Variants in SFI1 observed in about 807,000 individuals in gnomAD.
The protein encoded by SFI1 is SFI1 centrin binding protein, also known as protein SFI1 homolog.
SFI1 carries 195 observed loss-of-function variants against 207.5 expected under a neutral mutation model. The ratio of observed to expected loss-of-function variants is 0.94; its 90% CI spans 0.84 to 1.06. The LOEUF is 1.06. Among genes scored for constraint, SFI1 ranks in the 50% least tolerant of loss-of-function variants. The pLI is 0.00. For missense variants in SFI1, 1,634 were observed against 1,588.0 expected, an observed-to-expected ratio of 1.03 and a Z score of -0.49; for synonymous variants, 630 against 598.9, an observed-to-expected ratio of 1.05 and a Z score of -0.76.
chr22:31,522,822 ATTTTTGTAT>A (rs963283151), intron 2 of SFI1, among the ~76,000 whole-genome samples: 1 of 151,874 alleles, frequency 6.6e-6, no homozygotes, highest in African/African-American at 2.4e-5. Context: ...TGCCCAGCTA[ATTTTTGTAT>A]TTTTAGTAGA....
chr22:31,595,890 ACTTTAT>A (rs1448464376), intron 15 of SFI1, among the ~76,000 whole-genome samples: 1 of 152,216 alleles, frequency 6.6e-6, no homozygotes, highest in Non-Finnish European at 1.5e-5. Context: ...AGTTCAGTGT[ACTTTAT>A]CTTAGGACAG....
intron 19 of SFI1, 196 bp from the exon 20 acceptor site, chr22:31,604,673 T>C: frequency 1.7e-6 from 1 of 592,636 alleles, no homozygotes; most frequent in Non-Finnish European, 3.0e-6. Flanking sequence ...ACTTAGGAGG[T>C]GAGGGCCTGT....
intron 22 of SFI1, among the ~76,000 whole-genome samples, chr22:31,610,064 A>G (rs1398622174): frequency 6.6e-6 from 1 of 152,202 alleles, no homozygotes; most frequent in African/African-American, 2.4e-5. Context: ...CTGGGCTGCA[A>G]GACAGTGTAC....
intron 10 of SFI1, 105 bp from the exon 11 acceptor site, chr22:31,578,277 C>G: frequency 9.3e-7 from 1 of 1,079,946 alleles, no homozygotes; most frequent in Middle Eastern, 2.7e-4. Context: ...CCACCTGGCA[C>G]GTGTGTTATC....
intron 14 of SFI1, among the ~76,000 whole-genome samples, chr22:31,588,304 T>C (rs1768200722): frequency 6.6e-6 from 1 of 152,144 alleles, no homozygotes; most frequent in Non-Finnish European, 1.5e-5. Flanking sequence ...ATGGTGGCCT[T>C]GGGGTAGTCA....
intron 29 of SFI1, 48 bp downstream of exon 29, chr22:31,615,327 C>T (rs768886083): frequency 1.4e-6 from 2 of 1,407,554 alleles, no homozygotes; most frequent in Non-Finnish European, 1.9e-6. Context: ...TCACTCTGGT[C>T]TGACTTCTGG....
chr22:31,615,312 G>A (rs546724119), intron 29 of SFI1, 33 bp downstream of exon 29: 1 of 1,440,908 alleles, frequency 6.9e-7, no homozygotes, highest in South Asian at 1.5e-5. Flanking sequence ...TGGGCACTGG[G>A]GCTCTCACTC....
At chr22:31,510,299 A>G (rs1485591655) in intron 2 of SFI1, among the ~76,000 whole-genome samples, 10 of 152,084 alleles carry the variant, frequency 6.6e-5, no homozygotes, top group East Asian at 3.9e-4. Flanking sequence ...GGCTCAGGCA[A>G]TCTTGCTGCC....
chr22:31,581,634 A>G (rs915949283), intron 12 of SFI1, among the ~76,000 whole-genome samples: 1 of 151,880 alleles, frequency 6.6e-6, no homozygotes, highest in East Asian at 1.9e-4. Context: ...AAGTCTATTC[A>G]CTTCCATTGT....
At chr22:31,498,087 G>A (rs1471129579) in intron 1 of SFI1, among the ~76,000 whole-genome samples, 1 of 152,204 alleles carries the variant, frequency 6.6e-6, no homozygotes, top group Non-Finnish European at 1.5e-5. Flanking sequence ...GAGGTCAGGA[G>A]TTTGAGACCA....
Position 31,604,540 on chromosome 22 carries a change from C to A in SFI1, c.1977+136C>A. On this transcript the variant is annotated intron_variant, in intron 19 of 32. Transcript: ENST00000400288. ...CACACCTCAAACCAAGCAGGTGCCC[C>A]GGACAGCGGGCCTTAGGCCATAGGG... 4 of 757,702 alleles carry A rather than the reference C, an allele frequency of 5.3e-6. No homozygotes were observed. In the South Asian group the frequency reaches 7.7e-5, roughly 15 times the overall value. 46.9% of individuals were successfully genotyped at this position (757,702 alleles called of 1,614,324 possible). A position where few individuals can be genotyped will look rare whatever the true frequency, so the allele number is the denominator to read the frequency against.
chr22:31,519,273 A>ATTT (rs201811890), intron 2 of SFI1, among the ~76,000 whole-genome samples: 1 of 132,216 alleles, frequency 7.6e-6, no homozygotes, highest in African/African-American at 3.1e-5. Flanking sequence ...TTTATTTTCC[A>ATTT]TTTTTTTTTT....
chr22:31,580,542 CTT>C (rs11347645), intron 12 of SFI1, among the ~76,000 whole-genome samples, 178 bp downstream of exon 12: 34 of 117,276 alleles, frequency 2.9e-4, no homozygotes, highest in East Asian at 1.1e-3. Flanking sequence ...CTTTTCTTTT[CTT>C]TTTTTTTTTT....
intron 12 of SFI1, 41 bp from the exon 13 acceptor site, chr22:31,583,834 T>C (rs1350431495): frequency 6.4e-7 from 1 of 1,556,752 alleles, no homozygotes; most frequent in Non-Finnish European, 8.9e-7. Flanking sequence ...GTTTTACCTT[T>C]CATCTCAGTA....
intron 22 of SFI1, among the ~76,000 whole-genome samples, chr22:31,609,167 T>A (rs560254135): frequency 5.3e-5 from 8 of 152,154 alleles, no homozygotes; most frequent in African/African-American, 1.7e-4. Flanking sequence ...CCAGGCTAAT[T>A]TTTTGTATTC....
intron 15 of SFI1, among the ~76,000 whole-genome samples, chr22:31,596,738 C>T (rs569059219): frequency 4.1e-5 from 6 of 147,200 alleles, no homozygotes; most frequent in East Asian, 2.0e-4. Context: ...GAGCCGAGAT[C>T]GCACCACTGC....
chr22:31,605,449 T>C (rs1404894966), intron 20 of SFI1: 1 of 153,570 alleles, frequency 6.5e-6, no homozygotes, highest in Non-Finnish European at 1.4e-5. Flanking sequence ...AGCCCAACTC[T>C]AACCTCACTC....
Position 31,613,179 on chromosome 22 carries a change from G to C in SFI1, c.2528G>C (p.Arg843Pro), listed in dbSNP as rs751059390. 4.0e-5 allele frequency: 65 copies of C among 1,613,638 alleles called. No homozygotes were observed. The highest frequency in any genetic ancestry group is 5.3e-5 in the Non-Finnish European group (62 of 1,180,024). The change falls in exon 25 of 33, where the codon CGG becomes CCG. Residue 843 changes from arginine to proline, a missense_variant. Coordinates refer to ENST00000400288, the MANE Select transcript of SFI1 (RefSeq NM_001007467.3). ...AGGCAGGAGCAGCGGGCGACAGTGCGGGCCCTGTGGTTCTGGGCCTTCTCG... is the reference window on the plus strand; with the variant it reads ...AGGCAGGAGCAGCGGGCGACAGTGCCGGCCCTGTGGTTCTGGGCCTTCTCG... ...ARRQEQRATV[R>P]ALWFWAFSLQ...
At chr22:31,611,104 T>C (rs1295171216) in intron 22 of SFI1, 39 bp from the exon 23 acceptor site, 1 of 1,614,000 alleles carries the variant, frequency 6.2e-7, no homozygotes, top group Middle Eastern at 1.7e-4. Flanking sequence ...CTGGTGGAAA[T>C]CCCACAAAAC....
Sources: gnomAD v4.1 joint callset for allele counts (sites outside exome capture counted in the v4.1 genomes callset) on GRCh38, gnomAD v4.1.1 for gene constraint, MANE v1.5 for transcripts, NCBI Gene and HGNC (gene_info 2026-07-23, HGNC 2026-07-21) for gene names.